GRIN2B: variants seen among roughly 807,000 people sequenced by gnomAD.
The protein encoded by GRIN2B is glutamate ionotropic receptor NMDA type subunit 2B.
Under a neutral mutation model 114.5 loss-of-function variants are expected in GRIN2B, and 5 were observed. The observed-to-expected ratio is 0.04, with a 90% CI of 0.02 to 0.09. The LOEUF is 0.09. GRIN2B is among the 10% of genes least tolerant of loss of function. The probability of loss-of-function intolerance (pLI) is 1.00; values close to 1 mark genes in which losing one functional copy is unlikely to be tolerated. For missense variants in GRIN2B, 1,108 were observed against 1,943.5 expected, an observed-to-expected ratio of 0.57 and a Z score of 8.08; for synonymous variants, 787 against 745.1, an observed-to-expected ratio of 1.06 and a Z score of -0.92.
At chr12:13,580,661 C>G (rs745739628) in intron 10 of GRIN2B, among the ~76,000 whole-genome samples, 2 of 152,136 alleles carry the variant, frequency 1.3e-5, no homozygotes, top group Admixed American at 6.5e-5. Flanking sequence ...TACTCAGCAC[C>G]CTCCTGTTAT....
At chr12:13,751,606 A>G (rs909415759) in intron 4 of GRIN2B, among the ~76,000 whole-genome samples, 2 of 152,162 alleles carry the variant, frequency 1.3e-5, no homozygotes, top group African/African-American at 4.8e-5. Context: ...TACATCATTG[A>G]CAGGCAGTGC....
intron 5 of GRIN2B, among the ~76,000 whole-genome samples, chr12:13,665,068 C>T (rs1949960197): frequency 6.6e-6 from 1 of 151,946 alleles, no homozygotes; most frequent in Non-Finnish European, 1.5e-5. Context: ...CTTTGTAATT[C>T]AAAGAAACAT....
At chr12:13,757,901 C>A (rs1345221538) in intron 3 of GRIN2B, among the ~76,000 whole-genome samples, 2 of 152,086 alleles carry the variant, frequency 1.3e-5, no homozygotes, top group Non-Finnish European at 2.9e-5. Context: ...TTAGCAGTAC[C>A]TAAGATTCCT....
chr12:13,675,660 C>T, intron 5 of GRIN2B, 85 bp downstream of exon 5: 1 of 844,588 alleles, frequency 1.2e-6, no homozygotes, highest in Non-Finnish European at 2.1e-6. Context: ...GGGACAAAAG[C>T]CAAAGGACTA....
intron 5 of GRIN2B, among the ~76,000 whole-genome samples, chr12:13,620,894 TG>T (rs1020088698): frequency 2.1e-5 from 3 of 144,430 alleles, no homozygotes; most frequent in African/African-American, 7.7e-5. Context: ...TTCAAGGAAA[TG>T]AAAAAAAAAT....
Position 13,734,102 on chromosome 12 carries a change from A to C in GRIN2B, c.1010+19215T>G, listed in dbSNP as rs141880688. Among the ~76,000 whole-genome samples, 259 of 152,354 alleles carry C rather than the reference A, an allele frequency of 1.7e-3. 4 individuals are homozygous for C. Among genetic ancestry groups the C allele is most frequent in the African/African-American group, 5.6e-3 (234 of 41,586 alleles). The stretch of plus-strand genomic sequence containing the variant: ...CAAGTTGATGATATCTAGGGATGAT[A>C]ATTTCCATTCTAAGTTTCAATTTGC... On this transcript the variant is annotated intron_variant, in intron 4 of 13. Coordinates refer to ENST00000609686, the MANE Select transcript of GRIN2B (RefSeq NM_000834.5).
intron 5 of GRIN2B, among the ~76,000 whole-genome samples, chr12:13,647,766 T>A (rs974222920): frequency 6.6e-6 from 1 of 151,950 alleles, no homozygotes; most frequent in Non-Finnish European, 1.5e-5. Flanking sequence ...CTGCTCCACC[T>A]AGGAAAAAGC....
intron 10 of GRIN2B, among the ~76,000 whole-genome samples, chr12:13,601,934 ATTC>A (rs1407958667): frequency 2.0e-5 from 3 of 152,176 alleles, no homozygotes; most frequent in Non-Finnish European, 2.9e-5. Context: ...TAGCAGACCC[ATTC>A]TTAAATAATG....
At chr12:13,975,556 T>C (rs1863005585) in intron 2 of GRIN2B, among the ~76,000 whole-genome samples, 1 of 152,220 alleles carries the variant, frequency 6.6e-6, no homozygotes, top group Admixed American at 6.5e-5. Flanking sequence ...TCTGATATTC[T>C]TGATCTCATC....
At chr12:13,790,978 G>A (rs1029572880) in intron 3 of GRIN2B, among the ~76,000 whole-genome samples, 1 of 152,192 alleles carries the variant, frequency 6.6e-6, no homozygotes. Context: ...CACAGAACTA[G>A]GGTCCAGAAG....
intron 10 of GRIN2B, among the ~76,000 whole-genome samples, chr12:13,586,070 A>C (rs568969291): frequency 6.6e-6 from 1 of 152,334 alleles, no homozygotes; most frequent in African/African-American, 2.4e-5. Context: ...TAGAAAAATG[A>C]AGTTCAATTT....
chr12:13,691,564 A>G (rs1267439276), intron 4 of GRIN2B, among the ~76,000 whole-genome samples: 2 of 109,286 alleles, frequency 1.8e-5, no homozygotes, highest in East Asian at 5.5e-4. Flanking sequence ...TTTTCCAGTC[A>G]TTACCAGGTT....
rs34773248 is a variant in GRIN2B at position 13,812,930 on chromosome 12, A to ATTTTT, written c.411+52863_411+52867dup. Among the ~76,000 whole-genome samples, 115 of 118,384 alleles carry ATTTTT rather than the reference A, an allele frequency of 9.7e-4. 1 individual carries two copies. The highest frequency in any genetic ancestry group is 2.6e-3 in the African/African-American group (80 of 30,518). The allele number at this position is 118,384 out of a possible 152,430, so 77.7% of individuals were successfully genotyped here. A position where few individuals can be genotyped will look rare whatever the true frequency, so the allele number is the denominator to read the frequency against. On this transcript the variant is annotated intron_variant, in intron 3 of 13. Transcript: ENST00000609686. ...GGTAAGTAATTGGGAAGTTTTGGGAATTTTTTTTTTTTTTTTTTTTTTGAG... is the reference window on the plus strand; with the variant it reads ...GGTAAGTAATTGGGAAGTTTTGGGAATTTTTTTTTTTTTTTTTTTTTTTTTTTGAG...
At chr12:13,607,251 ATATAT>A (rs1489173559) in intron 10 of GRIN2B, among the ~76,000 whole-genome samples, 2 of 70,912 alleles carry the variant, frequency 2.8e-5, no homozygotes, top group Non-Finnish European at 5.0e-5. Context: ...TATAAAAAAT[ATATAT>A]TATATATAAT....
At chr12:13,949,141 C>A (rs928807883) in intron 2 of GRIN2B, among the ~76,000 whole-genome samples, 1 of 152,060 alleles carries the variant, frequency 6.6e-6, no homozygotes, top group African/African-American at 2.4e-5. Flanking sequence ...CCCAGAGATC[C>A]AAATCAGGGC....
chr12:13,750,438 C>T (rs578033112), intron 4 of GRIN2B, among the ~76,000 whole-genome samples: 3 of 152,298 alleles, frequency 2.0e-5, no homozygotes, highest in African/African-American at 7.2e-5. Context: ...TCATTGTTTA[C>T]CCAGCAGAAG....
At chr12:13,688,020 C>A (rs540938136) in intron 4 of GRIN2B, among the ~76,000 whole-genome samples, 2 of 152,124 alleles carry the variant, frequency 1.3e-5, no homozygotes, top group Non-Finnish European at 2.9e-5. Context: ...GTTTTTGGTG[C>A]TTTACATTAT....
At chr12:13,850,854 CATTAAT>C (rs1865550434) in intron 3 of GRIN2B, among the ~76,000 whole-genome samples, 1 of 152,086 alleles carries the variant, frequency 6.6e-6, no homozygotes, top group African/African-American at 2.4e-5. Context: ...TCCACACTGC[CATTAAT>C]AGTGCGGGCC....
chr12:13,588,974 C>A (rs1948969238), intron 10 of GRIN2B, among the ~76,000 whole-genome samples: 1 of 152,164 alleles, frequency 6.6e-6, no homozygotes, highest in Admixed American at 6.5e-5. Context: ...AAGTGTCTGC[C>A]TCCCTCACTA....
Sources: allele counts gnomAD v4.1 joint callset (sites outside exome capture counted in the v4.1 genomes callset), GRCh38; gene constraint gnomAD v4.1.1; transcripts MANE v1.5; gene names NCBI Gene and HGNC (gene_info 2026-07-23, HGNC 2026-07-21).